C2orf72: variants seen among roughly 807,000 people sequenced by gnomAD.
C2orf72 encodes uncharacterized protein C2orf72.
C2orf72 carries 16 observed loss-of-function variants against 14.4 expected under a neutral mutation model. The ratio of observed to expected loss-of-function variants is 1.11; its 90% CI spans 0.75 to 1.69. The LOEUF (loss-of-function observed/expected upper bound fraction) is 1.69. Ranked by LOEUF, C2orf72 falls within the 40% of genes most tolerant of loss-of-function variation. The probability of loss-of-function intolerance (pLI) is 0.00; values close to 1 mark genes in which losing one functional copy is unlikely to be tolerated. For missense variants in C2orf72, 371 were observed against 358.3 expected (o/e 1.04, Z -0.29); for synonymous variants, 168 against 176.8 (o/e 0.95, Z 0.40).
intron 2 of C2orf72, among the ~76,000 whole-genome samples, chr2:231,043,506 T>C (rs1693371641): frequency 6.6e-6 from 1 of 152,208 alleles, no homozygotes; most frequent in African/African-American, 2.4e-5. Flanking sequence ...TTTACCTATC[T>C]CTCCTTGTGC....
At position 231,038,095 on chromosome 2, in the gene C2orf72, G is replaced by T. The variant is rs1355348230; in HGVS notation, c.530G>T (p.Gly177Val). ...GCCGTGTTCGGCCGCCAGGCGGGGGGGCCCGTGCAGGCGGCCGCCTACTGC... is the reference window on the plus strand; with the variant it reads ...GCCGTGTTCGGCCGCCAGGCGGGGGTGCCCGTGCAGGCGGCCGCCTACTGC... ...LRAVFGRQAG[G>V]PVQAAAYCPG... Residue 177 changes from glycine to valine, a missense_variant, in exon 1 of 3, where the codon GGG (glycine) becomes GTG (valine). By Grantham distance (109) the Gly-to-Val change is moderately radical. Transcript: ENST00000373640. 1.7e-6 allele frequency: 2 copies of T among 1,151,540 alleles called. No individual in the cohort carries two copies. The highest frequency in any genetic ancestry group is 4.8e-5 in the Admixed American group (1 of 20,974). The allele number at this position is 1,151,540 out of a possible 1,614,324, so 71.3% of individuals were successfully genotyped here. A position where few individuals can be genotyped will look rare whatever the true frequency, so the allele number is the denominator to read the frequency against.
intron 1 of C2orf72, among the ~76,000 whole-genome samples, chr2:231,040,466 A>C (rs1693327162): frequency 6.6e-6 from 1 of 152,260 alleles, no homozygotes; most frequent in Non-Finnish European, 1.5e-5. Flanking sequence ...AAACATACTG[A>C]ACAAAATTAA....
At position 231,047,043 on chromosome 2, in the gene C2orf72, C is replaced by G. The variant is rs1000753555; in HGVS notation, c.*22C>G. On this transcript the variant is annotated 3_prime_UTR_variant, in exon 3 of 3. Transcript: ENST00000373640. The stretch of plus-strand genomic sequence containing the variant: ...ATGAAGGCTGGACCCTTGCGCTGTC[C>G]CTGGCTCTAACCTACAGACTGGGGC... 3 of 1,551,456 alleles carry G rather than the reference C, an allele frequency of 1.9e-6. No homozygotes were observed. Among genetic ancestry groups the G allele is most frequent in the African/African-American group, 2.7e-5 (2 of 73,020 alleles).
rs147121489 is a variant in C2orf72, at chr2:231,043,486, C to T, written c.748+2077C>T. 1.8e-4 allele frequency among the ~76,000 whole-genome samples: 27 copies of T among 152,114 alleles called. No homozygotes were observed. The South Asian group carries it at 2.5e-3, about 14-fold the overall frequency. On this transcript the variant is annotated intron_variant, in intron 2 of 2. Transcript: ENST00000373640. ...ATAACTACAATTATATTTTGGGGTA[C>T]GCCATTCTATTTACCTATCTCTCCT...
intron 1 of C2orf72, among the ~76,000 whole-genome samples, chr2:231,040,589 G>T (rs935449066): frequency 2.6e-5 from 4 of 152,236 alleles, no homozygotes; most frequent in African/African-American, 7.2e-5. Flanking sequence ...ATGGATTCAT[G>T]TCACTAAGAT....
At chr2:231,045,221 G>A (rs1456277994) in intron 2 of C2orf72, among the ~76,000 whole-genome samples, 5 of 151,488 alleles carry the variant, frequency 3.3e-5, no homozygotes, top group African/African-American at 7.3e-5. Context: ...CAGAGATTTC[G>A]CCAGTGCACT....
intron 1 of C2orf72, among the ~76,000 whole-genome samples, chr2:231,039,383 A>C (rs948759819): frequency 2.0e-5 from 3 of 148,454 alleles, no homozygotes; most frequent in Admixed American, 6.8e-5. Flanking sequence ...TGCACTCTCC[A>C]GCTCCCAGCT....
Position 231,037,837 on chromosome 2 carries a change from C to CGGCGGG in C2orf72, c.278_283dup (p.Gly93_Ala94dup), listed in dbSNP as rs1281038077. 1.0e-6 allele frequency: 1 copy of CGGCGGG among 978,126 alleles called. No homozygotes were observed. Among genetic ancestry groups the CGGCGGG allele is most frequent in the Admixed American group, 6.4e-5 (1 of 15,630 alleles). The allele number at this position is 978,126 out of a possible 1,614,324, so 60.6% of individuals were successfully genotyped here. A position where few individuals can be genotyped will look rare whatever the true frequency, so the allele number is the denominator to read the frequency against. On this transcript the variant is annotated inframe_insertion, in exon 1 of 3. Coordinates refer to ENST00000373640, the MANE Select transcript of C2orf72 (RefSeq NM_001144994.2). ...CAGAGGGCGGCGAGGGCGGCTGGGG[C>CGGCGGG]GGCGGGGGCGGCGGCGGCGGCGGCG...
rs1328905864 is a variant in C2orf72 at position 231,037,646 on chromosome 2, G to C, written c.81G>C (p.Ala27=). Residue 27 remains alanine (A), a synonymous_variant, in exon 1 of 3, where the codon GCG becomes GCC. Transcript: ENST00000373640. The part of the protein sequence containing the change: ...EPPFQALVEA[A]GGRGQVLLVG... ...CCTTCCAGGCGTTGGTGGAAGCGGC[G>C]GGGGGCCGCGGGCAGGTGCTGCTGG... The C allele has an allele frequency of 3.6e-6, 4 of 1,117,796 alleles. No individual in the cohort carries two copies. The South Asian group carries it at 7.3e-5, about 20-fold the overall frequency. The allele number at this position is 1,117,796 out of a possible 1,614,324, so 69.2% of individuals were successfully genotyped here.
In C2orf72 at chr2:231,046,901, G is replaced by A. The variant is rs918077574; in HGVS notation, c.768G>A (p.Glu256=). The A allele has an allele frequency of 1.3e-6, 2 of 1,551,316 alleles. No individual in the cohort carries two copies. The highest frequency in any genetic ancestry group is 2.7e-5 in the African/African-American group (2 of 73,026). ...SSAQEDFQEP[E]EELPLTAIFP... ...TTCCAGAAGACTTCCAGGAACCTGA[G>A]GAGGAGCTGCCACTAACAGCCATAT... The change falls in exon 3 of 3, where the codon GAG becomes GAA. Residue 256 remains glutamate, a synonymous_variant. Coordinates refer to ENST00000373640, the MANE Select transcript of C2orf72 (RefSeq NM_001144994.2).
chr2:231,037,981 G>T lies in C2orf72; in HGVS notation c.416G>T (p.Gly139Val). 1 of 1,028,304 alleles carries T rather than the reference G, an allele frequency of 9.7e-7. No homozygotes were observed. 63.7% of individuals were successfully genotyped at this position (1,028,304 alleles called of 1,614,324 possible). ...GACGTGCGCGGCCGGCGGCGGGCCGGGGCGGCGCTGGTCGGGGTGCTGGTG... is the reference window on the plus strand; with the variant it reads ...GACGTGCGCGGCCGGCGGCGGGCCGTGGCGGCGCTGGTCGGGGTGCTGGTG... ...LRDVRGRRRA[G>V]AALVGVLVAE... Residue 139 changes from glycine (G) to valine (V), a missense_variant, in exon 1 of 3, where the codon GGG becomes GTG. Coordinates refer to ENST00000373640, the MANE Select transcript of C2orf72 (RefSeq NM_001144994.2).
intron 2 of C2orf72, among the ~76,000 whole-genome samples, chr2:231,044,714 G>A (rs565938153): frequency 4.9e-5 from 6 of 122,512 alleles, no homozygotes; most frequent in Middle Eastern, 6.0e-3. Context: ...ACAAACATGC[G>A]CCTTAGCCTA....
Position 231,047,458 on chromosome 2 carries a change from C to T in C2orf72, c.*437C>T, listed in dbSNP as rs887882143. 1.3e-5 allele frequency: 4 copies of T among 316,646 alleles called. No homozygotes were observed. The highest frequency in any genetic ancestry group is 2.5e-5 in the Non-Finnish European group (4 of 158,982). The allele number at this position is 316,646 out of a possible 1,614,324, so 19.6% of individuals were successfully genotyped here. A position where few individuals can be genotyped will look rare whatever the true frequency, so the allele number is the denominator to read the frequency against. On this transcript the variant is annotated 3_prime_UTR_variant, in exon 3 of 3. Transcript: ENST00000373640. ...GAGGCATGGCCTTGAACATGTCACTCAGTCTCTGGGGCTTCTGTTTCACAA... is the reference window on the plus strand; with the variant it reads ...GAGGCATGGCCTTGAACATGTCACTTAGTCTCTGGGGCTTCTGTTTCACAA...
rs1360393062 is a variant in C2orf72, at chr2:231,039,322, A to T, written c.634+1123A>T. 1.8e-4 allele frequency among the ~76,000 whole-genome samples: 8 copies of T among 45,008 alleles called. No individual in the cohort carries two copies. The South Asian group carries it at 2.2e-3, about 12-fold the overall frequency. The allele number at this position is 45,008 out of a possible 152,430, so 29.5% of individuals were successfully genotyped here. On this transcript the variant is annotated intron_variant, in intron 1 of 2. Coordinates refer to ENST00000373640, the MANE Select transcript of C2orf72 (RefSeq NM_001144994.2). ...CATGTACCCTAAAACTTAAAGTATTAAAAAAAAAAAAAAAAAAGAGTAGCT... is the reference window on the plus strand; with the variant it reads ...CATGTACCCTAAAACTTAAAGTATTTAAAAAAAAAAAAAAAAAGAGTAGCT...
rs1229696304 is a variant in C2orf72 at position 231,048,870 on chromosome 2, G to T, written c.*1849G>T. The T allele has an allele frequency of 1.3e-5, 2 of 152,164 alleles. No individual in the cohort carries two copies. The highest frequency in any genetic ancestry group is 4.8e-5 in the African/African-American group (2 of 41,416). 9.4% of individuals were successfully genotyped at this position (152,164 alleles called of 1,614,324 possible). On this transcript the variant is annotated 3_prime_UTR_variant, in exon 3 of 3. Transcript: ENST00000373640. ...CAGGGAGACTGGTATTTTTGAAGCTGCTATCATTTTCTATTTCTTTATTAA... is the reference window on the plus strand; with the variant it reads ...CAGGGAGACTGGTATTTTTGAAGCTTCTATCATTTTCTATTTCTTTATTAA...
In C2orf72 at chr2:231,037,941, C is replaced by T; in HGVS notation, c.376C>T (p.Arg126Trp). 1 of 1,031,808 alleles carries T rather than the reference C, an allele frequency of 9.7e-7. No individual in the cohort carries two copies. The highest frequency in any genetic ancestry group is 3.7e-5 in the South Asian group (1 of 27,088). The allele number at this position is 1,031,808 out of a possible 1,614,324, so 63.9% of individuals were successfully genotyped here. ...CGCCCGGGAGCCGCGGCGCCGCCTG[C>T]GGGAGATGCTGCGGGACGTGCGCGG... Reference protein sequence around the residue: ...LAAREPRRRLREMLRDVRGRR... With the variant: ...LAAREPRRRLWEMLRDVRGRR... Residue 126 changes from arginine (R) to tryptophan (W), a missense_variant, in exon 1 of 3, where the codon CGG (arginine) becomes TGG (tryptophan). This residue lies in a region of C2orf72 where 214 missense variants were observed against 178.7 expected (regional missense o/e 1.20). Coordinates refer to ENST00000373640, the MANE Select transcript of C2orf72 (RefSeq NM_001144994.2).
chr2:231,041,606 C>G (rs186981432), intron 2 of C2orf72, among the ~76,000 whole-genome samples, 197 bp downstream of exon 2: 1 of 152,200 alleles, frequency 6.6e-6, no homozygotes, highest in East Asian at 1.9e-4. Context: ...AGGCTGGGCT[C>G]TTTCCCCAGG....
At chr2:231,038,910 G>C (rs1693301450) in intron 1 of C2orf72, among the ~76,000 whole-genome samples, 1 of 152,184 alleles carries the variant, frequency 6.6e-6, no homozygotes, top group South Asian at 2.1e-4. Flanking sequence ...CTCCTGAAAG[G>C]TGGAAGGGAT....
At chr2:231,042,221 C>T (rs1458350418) in intron 2 of C2orf72, among the ~76,000 whole-genome samples, 1 of 152,026 alleles carries the variant, frequency 6.6e-6, no homozygotes, top group East Asian at 1.9e-4. Context: ...GGGAAGACAC[C>T]CCTCCATGTC....
Sources: gnomAD v4.1 joint callset for allele counts (sites outside exome capture counted in the v4.1 genomes callset) on GRCh38, gnomAD v4.1.1 for gene constraint, gnomAD v4.1.1 regional missense constraint, MANE v1.5 for transcripts, NCBI Gene and HGNC (gene_info 2026-07-23, HGNC 2026-07-21) for gene names.